The following USP45 variants were observed in gnomAD, a reference collection of about 807,000 sequenced individuals.
The protein encoded by USP45 is ubiquitin carboxyl-terminal hydrolase 45.
Under a neutral mutation model 95.8 loss-of-function variants are expected in USP45, and 89 were observed. The observed-to-expected ratio is 0.93, with a 90% CI of 0.78 to 1.11. The LOEUF is 1.11. Ranked by LOEUF, USP45 falls within the 50% of genes least tolerant of loss-of-function variation. The pLI, the probability that USP45 is intolerant of heterozygous loss-of-function variation, is 0.00. For missense variants in USP45, 898 were observed against 942.5 expected (o/e 0.95, Z 0.62); for synonymous variants, 281 against 316.2 (o/e 0.89, Z 1.18).
chr6:99,484,599 GC>G (rs1287739761), intron 7 of USP45, among the ~76,000 whole-genome samples: 1 of 152,048 alleles, frequency 6.6e-6, no homozygotes, highest in Admixed American at 6.5e-5. Context: ...AGAGTGGAAG[GC>G]CCGCTTGGGC....
At chr6:99,456,377 A>AAT (rs1785102962) in intron 13 of USP45, among the ~76,000 whole-genome samples, 1 of 152,158 alleles carries the variant, frequency 6.6e-6, no homozygotes, top group African/African-American at 2.4e-5. Flanking sequence ...AATGTTCTCA[A>AAT]TGCAAAGAAA....
At chr6:99,502,047 G>T in intron 5 of USP45, 1 of 1,281,318 alleles carries the variant, frequency 7.8e-7, no homozygotes, top group Non-Finnish European at 1.0e-6. Context: ...GAATGTTGGG[G>T]GCCTAGAGAC....
At chr6:99,456,934 C>T (rs887646538) in intron 13 of USP45, among the ~76,000 whole-genome samples, 13 of 152,184 alleles carry the variant, frequency 8.5e-5, no homozygotes, top group Non-Finnish European at 1.6e-4. Context: ...AGGAACATAC[C>T]TGAGAAAGAG....
At chr6:99,441,613 C>T (rs944280708) in intron 15 of USP45, among the ~76,000 whole-genome samples, 7 of 152,244 alleles carry the variant, frequency 4.6e-5, no homozygotes, top group African/African-American at 1.4e-4. Context: ...CTTACACTCC[C>T]AATGCTGGTA....
At chr6:99,488,392 G>A in intron 6 of USP45, 97 bp from the exon 7 acceptor site, 2 of 805,726 alleles carry the variant, frequency 2.5e-6, no homozygotes, top group Non-Finnish European at 3.8e-6. Flanking sequence ...TAGCAAAAGT[G>A]TCTATTTCAA....
At chr6:99,452,435 A>G (rs535340731) in intron 13 of USP45, among the ~76,000 whole-genome samples, 3 of 152,260 alleles carry the variant, frequency 2.0e-5, no homozygotes, top group African/African-American at 4.8e-5. Context: ...AATGCTCATC[A>G]TCACTGGCCA....
chr6:99,464,375 T>G (rs976036418), intron 13 of USP45, among the ~76,000 whole-genome samples: 1 of 152,208 alleles, frequency 6.6e-6, no homozygotes, highest in Non-Finnish European at 1.5e-5. Context: ...ATATTTGGGA[T>G]TTATTTCAAA....
chr6:99,488,534 G>T, intron 6 of USP45, 147 bp downstream of exon 6: 1 of 863,970 alleles, frequency 1.2e-6, no homozygotes, highest in Non-Finnish European at 1.8e-6. Flanking sequence ...TACATATGGT[G>T]ATGGCCCAAG....
chr6:99,480,218 CT>C (rs1283800832), intron 8 of USP45, among the ~76,000 whole-genome samples: 9 of 152,182 alleles, frequency 5.9e-5, no homozygotes, highest in African/African-American at 2.2e-4. Flanking sequence ...GATTTGTATG[CT>C]GAAAACTATA....
At chr6:99,464,189 C>T (rs1045290302) in intron 13 of USP45, among the ~76,000 whole-genome samples, 1 of 152,050 alleles carries the variant, frequency 6.6e-6, no homozygotes, top group Non-Finnish European at 1.5e-5. Context: ...GCCTGTAATC[C>T]CAGCTACTCA....
chr6:99,441,328 T>C (rs1285872309), intron 15 of USP45, among the ~76,000 whole-genome samples: 1 of 152,068 alleles, frequency 6.6e-6, no homozygotes, highest in Non-Finnish European at 1.5e-5. Context: ...GGTCAGGAGT[T>C]CAAGACCAGC....
intron 14 of USP45, among the ~76,000 whole-genome samples, chr6:99,444,798 C>T (rs1485427445): frequency 4.6e-5 from 7 of 152,200 alleles, no homozygotes; most frequent in African/African-American, 1.4e-4. Flanking sequence ...TCCTGACTGA[C>T]GCTGGTGCTT....
chr6:99,435,893 G>A, intron 17 of USP45, 47 bp from the exon 18 acceptor site: 1 of 1,540,864 alleles, frequency 6.5e-7, no homozygotes, highest in East Asian at 2.4e-5. Context: ...TATGCTTTAG[G>A]TTCTTACTCT....
At chr6:99,468,721 G>T in intron 9 of USP45, 103 bp from the exon 10 acceptor site, 1 of 654,968 alleles carries the variant, frequency 1.5e-6, no homozygotes, top group Non-Finnish European at 2.4e-6. Flanking sequence ...GTGGATTTCA[G>T]TTCCCTAGTT....
intron 13 of USP45, among the ~76,000 whole-genome samples, chr6:99,463,702 C>G (rs894170831): frequency 2.0e-5 from 3 of 149,820 alleles, no homozygotes; most frequent in African/African-American, 7.4e-5. Flanking sequence ...CTCCCAGCTA[C>G]TCAGGAGGCT....
chr6:99,491,393 A>T (rs1006260798), intron 5 of USP45, among the ~76,000 whole-genome samples: 3 of 152,184 alleles, frequency 2.0e-5, no homozygotes, highest in African/African-American at 7.2e-5. Flanking sequence ...TTTATATCTG[A>T]GACTGTAAAT....
chr6:99,458,077 G>A (rs913597084), intron 13 of USP45, among the ~76,000 whole-genome samples: 1 of 152,182 alleles, frequency 6.6e-6, no homozygotes, highest in Non-Finnish European at 1.5e-5. Context: ...CTGGAGTGCA[G>A]TAGCGCAATC....
chr6:99,441,496 C>T (rs1351038661), intron 15 of USP45, among the ~76,000 whole-genome samples: 1 of 151,684 alleles, frequency 6.6e-6, no homozygotes, highest in East Asian at 1.9e-4. Flanking sequence ...CGCGCCATTG[C>T]ACTCCAGCCT....
chr6:99,447,790 C>T (rs972549024), intron 13 of USP45, among the ~76,000 whole-genome samples: 1 of 152,172 alleles, frequency 6.6e-6, no homozygotes, highest in Non-Finnish European at 1.5e-5. Flanking sequence ...CTGGGAGGCA[C>T]CCCCCAGTAG....
Sources: allele counts gnomAD v4.1 joint callset (sites outside exome capture counted in the v4.1 genomes callset), GRCh38; gene constraint gnomAD v4.1.1; transcripts MANE v1.5; gene names NCBI Gene and HGNC (gene_info 2026-07-23, HGNC 2026-07-21).